Variants in LUZP1 observed in about 807,000 individuals in gnomAD.
LUZP1 encodes the protein filamin mechanobinding actin cross-linking protein.
LUZP1 carries 25 observed loss-of-function variants against 71.3 expected under a neutral mutation model. The observed-to-expected ratio is 0.35, with a 90% CI of 0.26 to 0.49. The LOEUF (loss-of-function observed/expected upper bound fraction) is 0.49, where lower values mean the gene tolerates loss of function less well. LUZP1 is among the 20% of genes least tolerant of loss of function. The probability of loss-of-function intolerance (pLI) is 0.99; values close to 1 mark genes in which losing one functional copy is unlikely to be tolerated. For missense variants in LUZP1, 1,142 were observed against 1,300.8 expected, an observed-to-expected ratio of 0.88 and a Z score of 1.88; for synonymous variants, 481 against 506.4, an observed-to-expected ratio of 0.95 and a Z score of 0.67.
chr1:23,145,275 T>A (rs1296964462), intron 2 of LUZP1, among the ~76,000 whole-genome samples: 1 of 152,128 alleles, frequency 6.6e-6, no homozygotes, highest in Non-Finnish European at 1.5e-5. Context: ...AGACTTACTA[T>A]AACAGACTCT....
At chr1:23,177,301 A>C in intron 1 of LUZP1, among the ~76,000 whole-genome samples, 1 of 152,176 alleles carries the variant, frequency 6.6e-6, no homozygotes, top group East Asian at 1.9e-4. Context: ...CAGACCTCTG[A>C]GAGGACATCG....
rs535181312 is a variant in LUZP1 at position 23,093,595 on chromosome 1, T to C, written c.667A>G (p.Lys223Glu). The change falls in exon 4 of 5, where the codon AAA becomes GAA. Residue 223 changes from lysine to glutamate, a missense_variant. By Grantham distance (56) the Lys-to-Glu change is moderately conservative. Coordinates refer to ENST00000302291, the Ensembl canonical transcript of LUZP1. This position sits in a 1 kb window ranked among gnomAD's most constrained non-coding sequence, Gnocchi z 4.2. The stretch of plus-strand genomic sequence containing the variant: ...TTCCTTGTATAATCTCGGTTCATTT[T>C]TTTGTTCTGCTCTAGTTTTTGAGTG... 1.2e-6 allele frequency: 2 copies of C among 1,613,690 alleles called. No homozygotes were observed. The highest frequency in any genetic ancestry group is 1.7e-6 in the Non-Finnish European group (2 of 1,179,924).
At chr1:23,105,641 A>G (rs1643974790) in intron 3 of LUZP1, among the ~76,000 whole-genome samples, 1 of 152,164 alleles carries the variant, frequency 6.6e-6, no homozygotes. Context: ...TTGGATTTCA[A>G]CTTCTTAGTT....
chr1:23,097,013 G>T (rs1643895819), intron 3 of LUZP1, among the ~76,000 whole-genome samples: 1 of 152,100 alleles, frequency 6.6e-6, no homozygotes, highest in Non-Finnish European at 1.5e-5. Flanking sequence ...TCTGGAGCCT[G>T]GGAATATAAG....
At chr1:23,145,890 A>C (rs891572669) in intron 2 of LUZP1, among the ~76,000 whole-genome samples, 8 of 152,206 alleles carry the variant, frequency 5.3e-5, no homozygotes, top group African/African-American at 1.9e-4. Flanking sequence ...GAGTCAATAA[A>C]TTTGAGTATA....
chr1:23,095,358 A>G (rs1251034720), intron 3 of LUZP1, among the ~76,000 whole-genome samples: 1 of 152,266 alleles, frequency 6.6e-6, no homozygotes, highest in Non-Finnish European at 1.5e-5. Context: ...CTAATACTAT[A>G]AAACAGCTAA....
At chr1:23,138,662 T>TG (rs759401925) in intron 2 of LUZP1, among the ~76,000 whole-genome samples, 3,196 of 106,792 alleles carry the variant, frequency 0.03, 48 homozygotes, top group African/African-American at 0.047. Context: ...GGATTATGTG[T>TG]TTGTGTGTGT....
exon 4 of LUZP1, chr1:23,092,874 T>C (rs1643870600): frequency 6.2e-7 from 1 of 1,613,894 alleles, no homozygotes; most frequent in African/African-American, 1.3e-5. Flanking sequence ...CTTCTTCCCT[T>C]CGCTCTGGGA....
At chr1:23,106,080 T>G (rs898041692) in intron 3 of LUZP1, among the ~76,000 whole-genome samples, 14 of 152,236 alleles carry the variant, frequency 9.2e-5, no homozygotes, top group African/African-American at 3.1e-4. Context: ...TCTAATATTT[T>G]TATACTGAAC....
chr1:23,113,313 C>A (rs1160023744), intron 2 of LUZP1, among the ~76,000 whole-genome samples: 1 of 152,046 alleles, frequency 6.6e-6, no homozygotes, highest in Non-Finnish European at 1.5e-5. Flanking sequence ...GAGGCTGAGG[C>A]AGGAGGATCA....
At chr1:23,116,954 G>A (rs573895532) in intron 2 of LUZP1, among the ~76,000 whole-genome samples, 4 of 152,282 alleles carry the variant, frequency 2.6e-5, no homozygotes, top group African/African-American at 9.6e-5. Context: ...AGATTAAAAT[G>A]CCCTTCTATA....
chr1:23,118,076 C>T (rs1330486985), intron 2 of LUZP1, among the ~76,000 whole-genome samples: 3 of 151,534 alleles, frequency 2.0e-5, no homozygotes, highest in Non-Finnish European at 4.4e-5. Context: ...GGCGACAGAG[C>T]GAGACTCCAT....
Position 23,093,666 on chromosome 1 carries a change from T to C in LUZP1, c.596A>G (p.Tyr199Cys), listed in dbSNP as rs978351608. 9 of 1,611,818 alleles carry C rather than the reference T, an allele frequency of 5.6e-6. No homozygotes were observed. Among genetic ancestry groups the C allele is most frequent in the Non-Finnish European group, 7.6e-6 (9 of 1,179,642 alleles). Residue 199 changes from tyrosine to cysteine, a missense_variant, in exon 4 of 5, where the codon TAC (tyrosine) becomes TGC (cysteine). Transcript: ENST00000302291. This position sits in a 1 kb window ranked among gnomAD's most constrained non-coding sequence, Gnocchi z 4.2. ...ATTTTCTTTCTCCTTTTCATTCAAG[T>C]ATTTTCTCTCACTTACAAAGCTCAG...
At chr1:23,095,359 A>C (rs576933173) in intron 3 of LUZP1, among the ~76,000 whole-genome samples, 2 of 152,366 alleles carry the variant, frequency 1.3e-5, no homozygotes, top group Admixed American at 1.3e-4. Context: ...TAATACTATA[A>C]AACAGCTAAA....
intron 2 of LUZP1, among the ~76,000 whole-genome samples, chr1:23,156,731 C>T (rs1410151872): frequency 6.6e-6 from 1 of 152,114 alleles, no homozygotes; most frequent in Non-Finnish European, 1.5e-5. Flanking sequence ...GATGACTGGG[C>T]GCATCTTCCA....
intron 2 of LUZP1, among the ~76,000 whole-genome samples, chr1:23,135,657 A>G (rs1211522060): frequency 6.6e-6 from 1 of 152,222 alleles, no homozygotes; most frequent in Non-Finnish European, 1.5e-5. Context: ...GTTGCTGTAC[A>G]TATATCATAG....
chr1:23,153,157 CT>C (rs1196012786), intron 2 of LUZP1, among the ~76,000 whole-genome samples: 1 of 152,136 alleles, frequency 6.6e-6, no homozygotes, highest in African/African-American at 2.4e-5. Context: ...ACTGTTAAGA[CT>C]GTTCATAATC....
intron 2 of LUZP1, among the ~76,000 whole-genome samples, chr1:23,126,576 A>G (rs1644173360): frequency 6.6e-6 from 1 of 152,332 alleles, no homozygotes; most frequent in African/African-American, 2.4e-5. Flanking sequence ...CTTCCCCACC[A>G]CTACCACTAT....
chr1:23,174,047 G>GTA (rs917643012), intron 1 of LUZP1, among the ~76,000 whole-genome samples: 34 of 151,474 alleles, frequency 2.2e-4, no homozygotes, highest in East Asian at 1.4e-3. Flanking sequence ...ACCAATAGGA[G>GTA]TATATATATA....
Sources: allele counts gnomAD v4.1 joint callset (sites outside exome capture counted in the v4.1 genomes callset), GRCh38; gene constraint gnomAD v4.1.1; non-coding constraint Gnocchi (gnomAD v3.1); transcripts MANE v1.5; gene names NCBI Gene and HGNC (gene_info 2026-07-23, HGNC 2026-07-21).